LRMDA: variants seen among roughly 807,000 people sequenced by gnomAD.
LRMDA encodes the protein leucine-rich melanocyte differentiation-associated protein.
In LRMDA, 18 loss-of-function variants were observed where a neutral mutation model predicts 29.8. The observed-to-expected ratio is 0.60, with a 90% CI of 0.42 to 0.90. The LOEUF (loss-of-function observed/expected upper bound fraction) is 0.90. Ranked by LOEUF, LRMDA falls within the 40% of genes least tolerant of loss-of-function variation. LRMDA has a pLI of 0.00. For synonymous variants in LRMDA, 125 were observed against 109.4 expected (o/e 1.14, Z -0.89); for missense variants, 273 against 273.9 (o/e 1.00, Z 0.02).
intron 2 of LRMDA, among the ~76,000 whole-genome samples, chr10:75,530,138 T>TA (rs980680425): frequency 2.4e-4 from 37 of 151,628 alleles, no homozygotes; most frequent in East Asian, 3.9e-4. Flanking sequence ...TAAAACTTTG[T>TA]AAAAAAAATA....
chr10:76,346,895 C>A (rs1333656054), intron 6 of LRMDA, among the ~76,000 whole-genome samples: 1 of 152,152 alleles, frequency 6.6e-6, no homozygotes, highest in East Asian at 1.9e-4. Flanking sequence ...ATACAATACA[C>A]AACAATACAA....
chr10:76,154,845 T>G (rs1317332598), intron 5 of LRMDA, among the ~76,000 whole-genome samples: 2 of 152,208 alleles, frequency 1.3e-5, no homozygotes, highest in Non-Finnish European at 2.9e-5. Flanking sequence ...AGCTCATTCA[T>G]GTACCATGTT....
At chr10:76,486,836 C>G (rs1842787075) in intron 6 of LRMDA, among the ~76,000 whole-genome samples, 1 of 151,854 alleles carries the variant, frequency 6.6e-6, no homozygotes, top group South Asian at 2.1e-4. Context: ...CATGGAAGCT[C>G]AGGTCTCTGG....
chr10:75,936,994 C>G (rs1033591057), intron 2 of LRMDA, among the ~76,000 whole-genome samples: 1 of 152,098 alleles, frequency 6.6e-6, no homozygotes, highest in Non-Finnish European at 1.5e-5. Flanking sequence ...GGACTTAACC[C>G]TCAATATTAT....
chr10:76,339,339 A>C (rs1841009632), intron 6 of LRMDA, among the ~76,000 whole-genome samples: 1 of 151,784 alleles, frequency 6.6e-6, no homozygotes, highest in South Asian at 2.1e-4. Flanking sequence ...AAATAAATGA[A>C]GTTTTGGGTT....
intron 5 of LRMDA, among the ~76,000 whole-genome samples, chr10:76,095,457 A>C (rs1849298453): frequency 6.6e-6 from 1 of 152,220 alleles, no homozygotes; most frequent in African/African-American, 2.4e-5. Context: ...TTTTGTGTGA[A>C]CATGAAATTT....
intron 2 of LRMDA, among the ~76,000 whole-genome samples, chr10:76,009,812 G>T (rs1002265188): frequency 6.6e-6 from 1 of 151,936 alleles, no homozygotes; most frequent in Non-Finnish European, 1.5e-5. Flanking sequence ...CCTGACAGAC[G>T]GCTGCCTCTT....
intron 2 of LRMDA, among the ~76,000 whole-genome samples, chr10:75,738,500 G>A (rs1842792480): frequency 6.6e-6 from 1 of 152,172 alleles, no homozygotes; most frequent in African/African-American, 2.4e-5. Flanking sequence ...CAGACCAATT[G>A]TTTATAATGA....
At chr10:75,467,475 C>T (rs1844666956) in intron 2 of LRMDA, among the ~76,000 whole-genome samples, 1 of 152,196 alleles carries the variant, frequency 6.6e-6, no homozygotes, top group Admixed American at 6.5e-5. Flanking sequence ...TTATTTGCCC[C>T]TGCTCTTCTT....
At chr10:76,146,804 G>C (rs1313589802) in intron 5 of LRMDA, among the ~76,000 whole-genome samples, 1 of 152,204 alleles carries the variant, frequency 6.6e-6, no homozygotes, top group Admixed American at 6.5e-5. Flanking sequence ...AATTTGGCAT[G>C]TTTTTGCAGT....
At chr10:76,109,968 G>A (rs144091599) in intron 5 of LRMDA, among the ~76,000 whole-genome samples, 4 of 152,098 alleles carry the variant, frequency 2.6e-5, no homozygotes, top group African/African-American at 7.2e-5. Flanking sequence ...TCTTCGTCTC[G>A]GGCTGTACTT....
At chr10:76,001,471 C>A (rs1847561624) in intron 2 of LRMDA, among the ~76,000 whole-genome samples, 1 of 152,062 alleles carries the variant, frequency 6.6e-6, no homozygotes, top group Non-Finnish European at 1.5e-5. Context: ...TTTTAAAAAT[C>A]ATTTTTATAG....
chr10:75,871,696 C>G (rs1453207941), intron 2 of LRMDA, among the ~76,000 whole-genome samples: 1 of 152,148 alleles, frequency 6.6e-6, no homozygotes, highest in Admixed American at 6.5e-5. Flanking sequence ...AGCTTCTGCC[C>G]AGACATCTTC....
At chr10:76,034,279 TC>T (rs1848201979) in intron 2 of LRMDA, among the ~76,000 whole-genome samples, 1 of 152,186 alleles carries the variant, frequency 6.6e-6, no homozygotes, top group African/African-American at 2.4e-5. Flanking sequence ...CAATGTGTAA[TC>T]ATCACATCAG....
intron 6 of LRMDA, among the ~76,000 whole-genome samples, chr10:76,504,496 A>G (rs1290020930): frequency 1.3e-5 from 2 of 151,990 alleles, no homozygotes; most frequent in Non-Finnish European, 2.9e-5. Flanking sequence ...GGATGCTCCA[A>G]TGTTGGGTAC....
intron 2 of LRMDA, among the ~76,000 whole-genome samples, chr10:75,686,868 A>T (rs140205317): frequency 1.3e-5 from 2 of 152,218 alleles, no homozygotes; most frequent in African/African-American, 4.8e-5. Flanking sequence ...TCTGTGTCCC[A>T]TGTTAGTAAC....
intron 5 of LRMDA, among the ~76,000 whole-genome samples, chr10:76,128,339 AC>A (rs777640758): frequency 2.0e-5 from 3 of 152,158 alleles, no homozygotes; most frequent in Non-Finnish European, 2.9e-5. Context: ...CAGATGGGAA[AC>A]CCTGAGTTGG....
chr10:76,269,982 C>T (rs888813148), intron 5 of LRMDA, among the ~76,000 whole-genome samples: 2 of 152,122 alleles, frequency 1.3e-5, no homozygotes, highest in African/African-American at 2.4e-5. Context: ...ATTTCTCATT[C>T]ACTCAAGCCA....
At chr10:75,741,267 T>C (rs1842825668) in intron 2 of LRMDA, among the ~76,000 whole-genome samples, 1 of 152,208 alleles carries the variant, frequency 6.6e-6, no homozygotes, top group Non-Finnish European at 1.5e-5. Context: ...TCCTTTTGGC[T>C]GTAGGACTGA....
Sources: allele counts gnomAD v4.1 joint callset (sites outside exome capture counted in the v4.1 genomes callset), GRCh38; gene constraint gnomAD v4.1.1; transcripts MANE v1.5; gene names NCBI Gene and HGNC (gene_info 2026-07-23, HGNC 2026-07-21).